SLCO4A1: variants seen among roughly 807,000 people sequenced by gnomAD.
SLCO4A1 encodes the protein colon organic anion transporter.
A neutral mutation model predicts 64.6 loss-of-function variants in SLCO4A1; 51 were observed. The ratio of observed to expected loss-of-function variants is 0.79; its 90% CI spans 0.63 to 1.00. The LOEUF (loss-of-function observed/expected upper bound fraction) is 1.00, where lower values mean the gene tolerates loss of function less well. Among genes scored for constraint, SLCO4A1 ranks in the 50% least tolerant of loss-of-function variants. The probability of loss-of-function intolerance (pLI) is 0.00; values close to 1 mark genes in which losing one functional copy is unlikely to be tolerated. For synonymous variants in SLCO4A1, 471 were observed against 444.9 expected, an observed-to-expected ratio of 1.06 and a Z score of -0.74; for missense variants, 919 against 980.5, an observed-to-expected ratio of 0.94 and a Z score of 0.84.
chr20:62,646,944 G>A (rs1336732595), intron 1 of SLCO4A1, among the ~76,000 whole-genome samples: 1 of 152,260 alleles, frequency 6.6e-6, no homozygotes, highest in Non-Finnish European at 1.5e-5. Flanking sequence ...GAGACTGGGT[G>A]CAAGCAGGTT....
rs1569146530 is a variant in SLCO4A1, at chr20:62,668,548, T to TGCAGTGTGAGGAAGCCATGGTCAGTTGC, written c.1876+8_1876+35dup. ...ATTGTAGTTAGAATACTAGGTACTG[T>TGCAGTGTGAGGAAGCCATGGTCAGTTGC]GCAGTGTGAGGAAGCCATGGTCAGT... On this transcript the variant is annotated splice_region_variant and intron_variant, in intron 10 of 11. Transcript: ENST00000217159. The TGCAGTGTGAGGAAGCCATGGTCAGTTGC allele has an allele frequency of 4.3e-6, 7 of 1,611,736 alleles. No homozygotes were observed. The highest frequency in any genetic ancestry group is 5.1e-6 in the Non-Finnish European group (6 of 1,177,974).
rs144370779 is a variant in SLCO4A1 at position 62,669,012 on chromosome 20, C to T, written c.1959C>T (p.Gly653=). The T allele has an allele frequency of 3.1e-6, 5 of 1,611,042 alleles. No homozygotes were observed. The highest frequency in any genetic ancestry group is 2.7e-5 in the African/African-American group (2 of 75,036). ...GGCAGGACCAGTGTGGCCAGCAGGG[C>T]TCCTGCTTGGTGTACCAGAATTCGG... The part of the protein sequence containing the change: ...LLWQDQCGQQ[G]SCLVYQNSAM... The change falls in exon 11 of 12, where the codon GGC becomes GGT. Residue 653 remains glycine (G), a synonymous_variant. Transcript: ENST00000217159.
chr20:62,659,644 C>T (rs756333272), intron 3 of SLCO4A1, among the ~76,000 whole-genome samples: 5 of 152,232 alleles, frequency 3.3e-5, no homozygotes, highest in South Asian at 2.1e-4. Flanking sequence ...GGAGGCAGAG[C>T]GGGGTCTGGC....
chr20:62,657,130 T>A lies in SLCO4A1; in HGVS notation c.676T>A (p.Tyr226Asn), dbSNP rs1488825328. The change falls in exon 2 of 12, where the codon TAC (tyrosine) becomes AAC (asparagine). Residue 226 changes from tyrosine to asparagine, a missense_variant. Tyr to Asn is a moderately radical substitution (Grantham distance 143). Transcript: ENST00000217159. ...GGACAGCACCTCGGGCCTGTCCCGC[T>A]ACCAGCTGGTCTTCATGCTGGGCCA... ...CADSTSGLSR[Y>N]QLVFMLGQFL... 1.0e-5 allele frequency: 16 copies of A among 1,572,496 alleles called. No homozygotes were observed. The highest frequency in any genetic ancestry group is 1.4e-5 in the Non-Finnish European group (16 of 1,160,402).
intron 2 of SLCO4A1, among the ~76,000 whole-genome samples, chr20:62,657,856 C>T (rs917659677): frequency 6.6e-6 from 1 of 152,236 alleles, no homozygotes; most frequent in Non-Finnish European, 1.5e-5. Flanking sequence ...GGAAAAATAA[C>T]ATGAAGCAGC....
At position 62,642,894 on chromosome 20, in the gene SLCO4A1, G is replaced by T. The variant is rs1187863503; in HGVS notation, c.-97+341G>T. On this transcript the variant is annotated intron_variant, in intron 1 of 11. Transcript: ENST00000217159. ...GGCTGCGGCCCTGGCAGGGACTGTCGGAGTGGCCGGGGCAGGTGACCTGGG... is the reference window on the plus strand; with the variant it reads ...GGCTGCGGCCCTGGCAGGGACTGTCTGAGTGGCCGGGGCAGGTGACCTGGG... 7 of 396,986 alleles carry T rather than the reference G, an allele frequency of 1.8e-5. No individual in the cohort carries two copies. The Admixed American group carries it at 2.1e-4, about 12-fold the overall frequency. The allele number at this position is 396,986 out of a possible 1,614,324, so 24.6% of individuals were successfully genotyped here.
intron 1 of SLCO4A1, among the ~76,000 whole-genome samples, chr20:62,646,511 G>A (rs1268636717): frequency 1.3e-5 from 2 of 152,244 alleles, no homozygotes; most frequent in African/African-American, 4.8e-5. Context: ...GCACAGCGGG[G>A]GTCCTGAGCA....
downstream of SLCO4A1, among the ~76,000 whole-genome samples, chr20:62,675,022 G>C (rs941810696): frequency 2.6e-5 from 4 of 152,186 alleles, no homozygotes; most frequent in Non-Finnish European, 5.9e-5. Context: ...CGGTCTGGGG[G>C]CTCCAAGGAC....
At chr20:62,673,238 T>G (rs1987407972), downstream of SLCO4A1, among the ~76,000 whole-genome samples, 2 of 137,588 alleles carry the variant, frequency 1.5e-5, no homozygotes, top group African/African-American at 2.6e-5. Flanking sequence ...CCGAGGGAGG[T>G]GACAGAAGGG....
rs35183172 is a variant in SLCO4A1, at chr20:62,656,527, G to C, written c.73G>C (p.Asp25His). The C allele has an allele frequency of 1.3e-3, 2,000 of 1,575,676 alleles. 16 individuals carry two copies. In the African/African-American group the frequency reaches 0.017, roughly 14 times the overall value. ...CAACTCAGCCATGGAAAACGGGCTTGACCACACCCCACCCAGCAGGAGGGC... is the reference window on the plus strand; with the variant it reads ...CAACTCAGCCATGGAAAACGGGCTTCACCACACCCCACCCAGCAGGAGGGC... The part of the protein sequence containing the change: ...SPNSAMENGL[D>H]HTPPSRRASP... Residue 25 changes from aspartate to histidine, a missense_variant, in exon 2 of 12, where the codon GAC becomes CAC. Asp to His is a moderately conservative substitution (Grantham distance 81, BLOSUM62 -1). Transcript: ENST00000217159.
At chr20:62,677,747 C>G (rs1311801350) in intron 2 of SLCO4A1, among the ~76,000 whole-genome samples, 2 of 152,260 alleles carry the variant, frequency 1.3e-5, no homozygotes, top group Non-Finnish European at 2.9e-5. Flanking sequence ...GGTGACACAG[C>G]TTCTACTGGC....
intron 1 of SLCO4A1, among the ~76,000 whole-genome samples, chr20:62,643,814 A>G (rs2147051469): frequency 6.6e-6 from 1 of 152,332 alleles, no homozygotes; most frequent in South Asian, 2.1e-4. Context: ...GAGTGCTGGA[A>G]TGTGCCGGGC....
intron 2 of SLCO4A1, among the ~76,000 whole-genome samples, chr20:62,683,727 G>A (rs1022988359): frequency 9.9e-5 from 15 of 152,166 alleles, no homozygotes; most frequent in African/African-American, 2.4e-5. Context: ...TCGGAGTGTC[G>A]TGGGCGACAC....
chr20:62,674,323 G>A (rs1395252494), downstream of SLCO4A1, among the ~76,000 whole-genome samples: 1 of 152,200 alleles, frequency 6.6e-6, no homozygotes, highest in African/African-American at 2.4e-5. Context: ...AGACTCATGG[G>A]AGCTGTCAGC....
At chr20:62,660,848 C>T (rs1028623036) in intron 4 of SLCO4A1, among the ~76,000 whole-genome samples, 6 of 152,110 alleles carry the variant, frequency 3.9e-5, no homozygotes, top group Non-Finnish European at 5.9e-5. Flanking sequence ...CTTTGGGCCC[C>T]AGCTCTCCCA....
At position 62,661,077 on chromosome 20, in the gene SLCO4A1, C is replaced by T. The variant is rs777418396; in HGVS notation, c.1023C>T (p.Tyr341=). ...YPRQLPGSQR[Y]AVMRAAEMHQ... ...GTGCCCTTCCAGGCTCCCAGCGCTA[C>T]GCGGTCATGAGAGCGGCGGAAATGC... Residue 341 remains tyrosine, a synonymous_variant, in exon 5 of 12, where the codon TAC becomes TAT. Transcript: ENST00000217159. This position sits in a 1 kb window ranked among gnomAD's most constrained non-coding sequence, Gnocchi z 5.2. The T allele has an allele frequency of 3.9e-5, 63 of 1,610,616 alleles. No individual in the cohort carries two copies. Among genetic ancestry groups the T allele is most frequent in the Non-Finnish European group, 4.7e-5 (56 of 1,179,088 alleles).
downstream of SLCO4A1, among the ~76,000 whole-genome samples, chr20:62,686,068 C>G (rs1227001309): frequency 6.6e-6 from 1 of 152,172 alleles, no homozygotes; most frequent in Non-Finnish European, 1.5e-5. Context: ...CCGAGAGCCC[C>G]TGCGTCCATT....
chr20:62,675,549 A>C (rs1987550341), downstream of SLCO4A1, among the ~76,000 whole-genome samples: 1 of 152,216 alleles, frequency 6.6e-6, no homozygotes, highest in Admixed American at 6.5e-5. Context: ...CAGTTGGGAC[A>C]CAGGGGCAGA....
At chr20:62,651,219 A>C (rs944868417) in intron 1 of SLCO4A1, 19 of 152,156 alleles carry the variant, frequency 1.2e-4, no homozygotes, top group Non-Finnish European at 2.5e-4. Context: ...TCCCCTTTCC[A>C]ATCTAGACAC....
Sources: gnomAD v4.1 joint callset for allele counts (sites outside exome capture counted in the v4.1 genomes callset) on GRCh38, gnomAD v4.1.1 for gene constraint, Gnocchi (gnomAD v3.1) non-coding constraint, MANE v1.5 for transcripts, NCBI Gene and HGNC (gene_info 2026-07-23, HGNC 2026-07-21) for gene names.